The following FAM13C variants were observed in gnomAD, a reference collection of about 807,000 sequenced individuals.
FAM13C encodes the protein protein FAM13C.
In FAM13C, 37 loss-of-function variants were observed where a neutral mutation model predicts 73.2. The ratio of observed to expected loss-of-function variants is 0.51; its 90% CI spans 0.39 to 0.67. The LOEUF is 0.67. FAM13C is among the 30% of genes least tolerant of loss of function. The pLI is 0.00. For missense variants in FAM13C, 589 were observed against 715.6 expected (o/e 0.82, Z 2.02); for synonymous variants, 246 against 260.9 (o/e 0.94, Z 0.55).
At chr10:59,279,751 A>G (rs1407365366) in intron 6 of FAM13C, among the ~76,000 whole-genome samples, 3 of 152,206 alleles carry the variant, frequency 2.0e-5, no homozygotes, top group African/African-American at 7.2e-5. Context: ...CTGTAAGAAG[A>G]TATTGATAGA....
chr10:59,255,279 C>A (rs1841844188), intron 10 of FAM13C, among the ~76,000 whole-genome samples: 1 of 152,118 alleles, frequency 6.6e-6, no homozygotes, highest in Non-Finnish European at 1.5e-5. Flanking sequence ...GTTGGAGTTA[C>A]CAATATCCTT....
At chr10:59,266,404 T>C (rs754370974) in intron 8 of FAM13C, among the ~76,000 whole-genome samples, 5 of 152,068 alleles carry the variant, frequency 3.3e-5, no homozygotes, top group Non-Finnish European at 5.9e-5. Context: ...GGAGCCCAGA[T>C]TCAAAAATTA....
intron 1 of FAM13C, among the ~76,000 whole-genome samples, chr10:59,358,794 G>A (rs1437481826): frequency 6.6e-6 from 1 of 152,192 alleles, no homozygotes; most frequent in Non-Finnish European, 1.5e-5. Context: ...AGATTCTGAA[G>A]TATGAAGCTG....
Position 59,246,891 on chromosome 10 carries a change from T to G in FAM13C, c.*723A>C, listed in dbSNP as rs1034631137. On this transcript the variant is annotated 3_prime_UTR_variant, in exon 14 of 14. Coordinates refer to ENST00000618804, the MANE Select transcript of FAM13C (RefSeq NM_198215.4). ...TATCCAAAATACCTATTTTAAATTTTTAATACAATATTTTATTTTAATATA... is the reference window on the plus strand; with the variant it reads ...TATCCAAAATACCTATTTTAAATTTGTAATACAATATTTTATTTTAATATA... 5.9e-6 allele frequency: 2 copies of G among 341,386 alleles called. No individual in the cohort carries two copies. Among genetic ancestry groups the G allele is most frequent in the African/African-American group, 4.2e-5 (2 of 47,478 alleles). The allele number at this position is 341,386 out of a possible 1,614,324, so 21.1% of individuals were successfully genotyped here. A position where few individuals can be genotyped will look rare whatever the true frequency, so the allele number is the denominator to read the frequency against.
At chr10:59,302,933 T>C in intron 4 of FAM13C, 69 bp from the exon 5 acceptor site, 3 of 1,443,654 alleles carry the variant, frequency 2.1e-6, no homozygotes, top group Non-Finnish European at 2.9e-6. Context: ...GTGAAGCTGG[T>C]GGCTACAAAT....
At chr10:59,257,251 C>T (rs117595955) in intron 10 of FAM13C, among the ~76,000 whole-genome samples, 1 of 152,150 alleles carries the variant, frequency 6.6e-6, no homozygotes, top group Non-Finnish European at 1.5e-5. Flanking sequence ...TTCCTGGCCC[C>T]CTATCAAGTA....
In FAM13C at chr10:59,362,383, G is replaced by T. The variant is rs780212206; in HGVS notation, c.62+16C>A. ...AAAGGCATGCAAGTCTAATTTTAAT[G>T]GTAAGAATCACTTACTCTGTTACAG... On this transcript the variant is annotated intron_variant, in intron 1 of 13. Transcript: ENST00000618804. The T allele has an allele frequency of 7.4e-6, 12 of 1,613,068 alleles. No homozygotes were observed. The highest frequency in any genetic ancestry group is 9.3e-6 in the Non-Finnish European group (11 of 1,179,658).
intron 3 of FAM13C, among the ~76,000 whole-genome samples, chr10:59,351,970 T>C (rs962161242): frequency 1.3e-5 from 2 of 151,946 alleles, no homozygotes; most frequent in Non-Finnish European, 2.9e-5. Context: ...TGCTCCAGCC[T>C]GGGGGATAGA....
At position 59,283,593 on chromosome 10, in the gene FAM13C, C is replaced by T. The variant is rs1845195267; in HGVS notation, c.508-146G>A. On this transcript the variant is annotated intron_variant, in intron 5 of 13. Coordinates refer to ENST00000618804, the MANE Select transcript of FAM13C (RefSeq NM_198215.4). Reference sequence around the variant, plus strand: ...TGTCCGCAGCTCCCGCAAGCACCTTCCTCCACTGCCTGGCAGGAAGAGGGT... The same window carrying T: ...TGTCCGCAGCTCCCGCAAGCACCTTTCTCCACTGCCTGGCAGGAAGAGGGT... 4 of 765,180 alleles carry T rather than the reference C, an allele frequency of 5.2e-6. No homozygotes were observed. The South Asian group carries it at 5.7e-5, about 11-fold the overall frequency. 47.4% of individuals were successfully genotyped at this position (765,180 alleles called of 1,614,324 possible). A position where few individuals can be genotyped will look rare whatever the true frequency, so the allele number is the denominator to read the frequency against.
chr10:59,357,305 G>A (rs1458758159), intron 1 of FAM13C, among the ~76,000 whole-genome samples: 1 of 152,018 alleles, frequency 6.6e-6, no homozygotes, highest in Admixed American at 6.6e-5. Flanking sequence ...CTGAGGTTTT[G>A]GTAAACAACT....
intron 3 of FAM13C, 88 bp from the exon 4 acceptor site, chr10:59,324,194 G>T: frequency 9.5e-7 from 1 of 1,054,362 alleles, no homozygotes; most frequent in Non-Finnish European, 1.4e-6. Flanking sequence ...CTCGGGGCAG[G>T]GAAGCAGCAA....
chr10:59,246,275 T>C lies in FAM13C; in HGVS notation c.*1339A>G, dbSNP rs1006780385. ...AAAGATGTAATTTGTAAACCTCAAA[T>C]AGTTGTGTATCTGTCCTGTTAGAAG... On this transcript the variant is annotated 3_prime_UTR_variant, in exon 14 of 14. Coordinates refer to ENST00000618804, the MANE Select transcript of FAM13C (RefSeq NM_198215.4). 5.5e-5 allele frequency: 9 copies of C among 164,894 alleles called. No homozygotes were observed. The highest frequency in any genetic ancestry group is 2.1e-4 in the African/African-American group (9 of 42,132). The allele number at this position is 164,894 out of a possible 1,614,324, so 10.2% of individuals were successfully genotyped here. A position where few individuals can be genotyped will look rare whatever the true frequency, so the allele number is the denominator to read the frequency against.
chr10:59,265,614 G>A (rs1842987591), intron 8 of FAM13C, among the ~76,000 whole-genome samples: 1 of 152,036 alleles, frequency 6.6e-6, no homozygotes, highest in Non-Finnish European at 1.5e-5. Context: ...TTGAAATATG[G>A]TAAAAACAAA....
At chr10:59,304,686 CA>C (rs1847992339) in intron 4 of FAM13C, among the ~76,000 whole-genome samples, 1 of 143,950 alleles carries the variant, frequency 6.9e-6, no homozygotes, top group African/African-American at 2.6e-5. Context: ...ATAATCTGTA[CA>C]ACAAACCCGC....
At chr10:59,249,372 C>T (rs541450069) in intron 13 of FAM13C, among the ~76,000 whole-genome samples, 111 of 145,656 alleles carry the variant, frequency 7.6e-4, no homozygotes, top group Admixed American at 7.5e-3. Flanking sequence ...TCACTGCACT[C>T]CAGCCCAGGT....
At position 59,247,708 on chromosome 10, in the gene FAM13C, ATTGGTATCC is replaced by A; in HGVS notation, c.1655_1663del (p.Arg552_Pro554del). The A allele has an allele frequency of 6.2e-7, 1 of 1,613,040 alleles. No homozygotes were observed. The highest frequency in any genetic ancestry group is 1.7e-4 in the Middle Eastern group (1 of 6,054). On this transcript the variant is annotated inframe_deletion, in exon 14 of 14. Transcript: ENST00000618804. ...CTTATATTCATAATACTCATCTGCC[ATTGGTATCC>A]TATCTTCCTTTTGTGGACTTCTGCA...
At chr10:59,332,538 T>G (rs1852138316) in intron 3 of FAM13C, among the ~76,000 whole-genome samples, 1 of 152,108 alleles carries the variant, frequency 6.6e-6, no homozygotes, top group Admixed American at 6.6e-5. Context: ...GCTAAAGAAT[T>G]TTAACTCCAT....
intron 12 of FAM13C, 73 bp downstream of exon 12, chr10:59,252,726 A>G (rs1841514507): frequency 1.4e-6 from 2 of 1,475,620 alleles, no homozygotes; most frequent in Non-Finnish European, 1.9e-6. Context: ...TTCAAAGGCC[A>G]GCTCTACTTC....
At chr10:59,361,142 C>T in intron 1 of FAM13C, 1 of 1,267,058 alleles carries the variant, frequency 7.9e-7, no homozygotes, top group Non-Finnish European at 1.0e-6. Flanking sequence ...GCACAGGTTA[C>T]CAAGCAATCT....
Sources: gnomAD v4.1 joint callset for allele counts (sites outside exome capture counted in the v4.1 genomes callset) on GRCh38, gnomAD v4.1.1 for gene constraint, MANE v1.5 for transcripts, NCBI Gene and HGNC (gene_info 2026-07-23, HGNC 2026-07-21) for gene names.